Variants in VSNL1 observed in about 807,000 individuals in gnomAD.
VSNL1 encodes the protein visinin like 1.
A neutral mutation model predicts 20.4 loss-of-function variants in VSNL1; 6 were observed. The observed-to-expected ratio is 0.29, with a 90% CI of 0.16 to 0.58. The LOEUF is 0.58. Ranked by LOEUF, VSNL1 falls within the 20% of genes least tolerant of loss-of-function variation. The pLI is 0.90. For missense variants in VSNL1, 100 were observed against 234.5 expected, an observed-to-expected ratio of 0.43 and a Z score of 3.75; for synonymous variants, 93 against 86.4, an observed-to-expected ratio of 1.08 and a Z score of -0.42.
Position 17,578,822 on chromosome 2 carries a change from C to A in VSNL1, c.-5-13248C>A, listed in dbSNP as rs182750964. ...AAAGGCCCAGCAAGGACAGCATAAGCCTAAATCAGAGCTGGAAACACATCA... is the reference window on the plus strand; with the variant it reads ...AAAGGCCCAGCAAGGACAGCATAAGACTAAATCAGAGCTGGAAACACATCA... On this transcript the variant is annotated intron_variant, in intron 1 of 3. Transcript: ENST00000295156. Among the ~76,000 whole-genome samples the A allele has an allele frequency of 9.8e-4, 150 of 152,348 alleles. 4 individuals carry two copies. In the East Asian group the frequency reaches 0.026, roughly 27 times the overall value.
At chr2:17,554,805 G>C (rs890606603) in intron 1 of VSNL1, among the ~76,000 whole-genome samples, 6 of 152,054 alleles carry the variant, frequency 3.9e-5, no homozygotes, top group Admixed American at 6.6e-5. Context: ...CTATTACTAA[G>C]TTATATTTTC....
intron 2 of VSNL1, among the ~76,000 whole-genome samples, chr2:17,630,215 T>A (rs952144267): frequency 6.6e-6 from 1 of 152,240 alleles, no homozygotes; most frequent in Non-Finnish European, 1.5e-5. Flanking sequence ...GAGGTAGGGT[T>A]TCACCATGGA....
chr2:17,625,275 C>T (rs1243320870), intron 2 of VSNL1, among the ~76,000 whole-genome samples: 1 of 152,172 alleles, frequency 6.6e-6, no homozygotes, highest in African/African-American at 2.4e-5. Flanking sequence ...ATGTCTTTAT[C>T]AGCAGTGTGA....
At chr2:17,633,984 G>C (rs906530625) in intron 2 of VSNL1, among the ~76,000 whole-genome samples, 4 of 152,170 alleles carry the variant, frequency 2.6e-5, no homozygotes, top group Non-Finnish European at 5.9e-5. Context: ...CCCATGGATC[G>C]GCACCAGCTT....
At chr2:17,570,970 A>G (rs1664068401) in intron 1 of VSNL1, among the ~76,000 whole-genome samples, 1 of 152,086 alleles carries the variant, frequency 6.6e-6, no homozygotes. Context: ...AGATTGCAGT[A>G]AGCCGAGATT....
At chr2:17,611,843 G>A (rs1009533230) in intron 2 of VSNL1, among the ~76,000 whole-genome samples, 5 of 152,136 alleles carry the variant, frequency 3.3e-5, no homozygotes, top group African/African-American at 1.2e-4. Flanking sequence ...ACATGTCAGT[G>A]ACTGATTATA....
intron 1 of VSNL1, among the ~76,000 whole-genome samples, chr2:17,576,097 A>G (rs976204019): frequency 3.3e-5 from 5 of 152,188 alleles, no homozygotes; most frequent in Non-Finnish European, 7.3e-5. Flanking sequence ...GTTTCTGCAT[A>G]TAGTCCACAC....
rs376559037 is a variant in VSNL1, at chr2:17,634,965, C to G, written c.163-14445C>G. Among the ~76,000 whole-genome samples the G allele has an allele frequency of 1.1e-4, 16 of 152,298 alleles. No homozygotes were observed. The East Asian group carries it at 3.1e-3, about 29-fold the overall frequency. On this transcript the variant is annotated intron_variant, in intron 2 of 3. Coordinates refer to ENST00000295156, the MANE Select transcript of VSNL1 (RefSeq NM_003385.5). The surrounding 1 kb of genome is among the most constrained non-coding windows in gnomAD (Gnocchi z 4.3). ...GTTTGAACACACATACACACGTACA[C>G]ACACATACATGTGCACATACATACA...
intron 1 of VSNL1, among the ~76,000 whole-genome samples, chr2:17,575,539 T>A (rs1009434853): frequency 2.3e-4 from 35 of 152,138 alleles, no homozygotes; most frequent in Admixed American, 6.5e-4. Context: ...TTTTTTATTT[T>A]TTTTATTTTT....
chr2:17,648,400 G>T (rs1008445618), intron 2 of VSNL1, among the ~76,000 whole-genome samples: 6 of 152,210 alleles, frequency 3.9e-5, no homozygotes, highest in Non-Finnish European at 8.8e-5. Flanking sequence ...CTGTATGAAG[G>T]CTGCTCACCT....
chr2:17,601,934 T>TA (rs928559994), intron 2 of VSNL1, among the ~76,000 whole-genome samples: 2 of 152,022 alleles, frequency 1.3e-5, no homozygotes, highest in Non-Finnish European at 2.9e-5. Context: ...AGACTCCACC[T>TA]AAAAAAAGTA....
At chr2:17,561,338 C>T (rs957824562) in intron 1 of VSNL1, among the ~76,000 whole-genome samples, 6 of 152,078 alleles carry the variant, frequency 3.9e-5, no homozygotes, top group Non-Finnish European at 7.4e-5. Context: ...AGAAAGAGTG[C>T]TCCCCACAGA....
chr2:17,579,822 A>G (rs1194185677), intron 1 of VSNL1, among the ~76,000 whole-genome samples: 1 of 152,160 alleles, frequency 6.6e-6, no homozygotes. Context: ...CCCTTTACAA[A>G]CAATGAATTA....
intron 3 of VSNL1, among the ~76,000 whole-genome samples, chr2:17,654,728 T>G (rs1666188601): frequency 6.6e-6 from 1 of 152,214 alleles, no homozygotes; most frequent in Admixed American, 6.5e-5. Context: ...AAAGTTAAAT[T>G]CTTTATCTTA....
intron 3 of VSNL1, among the ~76,000 whole-genome samples, chr2:17,653,808 G>C (rs1666169884): frequency 6.6e-6 from 1 of 152,176 alleles, no homozygotes; most frequent in Non-Finnish European, 1.5e-5. Context: ...TAAGTGTACA[G>C]AGATATGCAA....
At chr2:17,644,479 C>T (rs1031177879) in intron 2 of VSNL1, among the ~76,000 whole-genome samples, 2 of 152,156 alleles carry the variant, frequency 1.3e-5, no homozygotes, top group South Asian at 2.1e-4. Context: ...ACAGTGTAGC[C>T]AAGGAAGGTC....
chr2:17,644,071 G>A (rs1450840206), intron 2 of VSNL1, among the ~76,000 whole-genome samples: 1 of 152,240 alleles, frequency 6.6e-6, no homozygotes, highest in Non-Finnish European at 1.5e-5. Context: ...TTCCCCTGGA[G>A]CTGTGGTGAC....
intron 1 of VSNL1, among the ~76,000 whole-genome samples, chr2:17,564,158 A>G (rs1014875577): frequency 2.6e-5 from 4 of 152,178 alleles, no homozygotes; most frequent in Non-Finnish European, 1.5e-5. Context: ...GTTCTGGCCT[A>G]AATTTCTTTT....
At chr2:17,651,999 G>A (rs1666132596) in intron 3 of VSNL1, among the ~76,000 whole-genome samples, 1 of 152,202 alleles carries the variant, frequency 6.6e-6, no homozygotes, top group South Asian at 2.1e-4. Context: ...AGAGCAGATG[G>A]AGAGTAGGTT....
Sources: allele counts gnomAD v4.1 joint callset (sites outside exome capture counted in the v4.1 genomes callset), GRCh38; gene constraint gnomAD v4.1.1; non-coding constraint Gnocchi (gnomAD v3.1); transcripts MANE v1.5; gene names NCBI Gene and HGNC (gene_info 2026-07-23, HGNC 2026-07-21).